The following LRRC56 variants were observed in gnomAD, a reference collection of about 807,000 sequenced individuals.
LRRC56 encodes the protein leucine-rich repeat-containing protein 56.
A neutral mutation model predicts 47.8 loss-of-function variants in LRRC56; 41 were observed. The observed-to-expected ratio is 0.86, with a 90% CI of 0.67 to 1.11. The LOEUF (loss-of-function observed/expected upper bound fraction) is 1.11. LRRC56 is among the 50% of genes most tolerant of loss of function. LRRC56 has a pLI of 0.00. For missense variants in LRRC56, 759 were observed against 704.2 expected (o/e 1.08, Z -0.88); for synonymous variants, 387 against 311.2 (o/e 1.24, Z -2.56).
the LRRC56 span, among the ~76,000 whole-genome samples, chr11:518,747 G>A: frequency 6.6e-6 from 1 of 152,198 alleles, no homozygotes; most frequent in South Asian, 2.1e-4. Context: ...ACGCCCAGGA[G>A]CCGGCCCCGG....
the LRRC56 span, among the ~76,000 whole-genome samples, chr11:514,517 T>C: frequency 1.3e-5 from 2 of 151,856 alleles, no homozygotes; most frequent in Non-Finnish European, 2.9e-5. Context: ...CCTGAGCTCA[T>C]GCAATCTGCC....
At chr11:550,420 T>A in intron 8 of LRRC56, 148 bp downstream of exon 8, 1 of 779,896 alleles carries the variant, frequency 1.3e-6, no homozygotes, top group Non-Finnish European at 2.0e-6. Context: ...CCTCTGTCAC[T>A]GGAAGTCTGA....
At position 540,706 on chromosome 11, in the gene LRRC56, TC is replaced by T. The variant is rs1851748621; in HGVS notation, c.25del (p.Arg9ValfsTer15). On this transcript the variant is annotated frameshift_variant, in exon 4 of 14. Transcript: ENST00000270115. LOFTEE classifies it high-confidence loss of function. Reference protein sequence around the residue: MDLGWDRSRGPRRSTSSV... With the variant: MDLGWDRXRGPRRSTSSV... ...GTGAATGGATCTGGGCTGGGACAGA[TC>T]CCGTGGGCCTCGGCGGAGCACCTCC... is the stretch of plus-strand genomic sequence containing the variant. 3.1e-6 allele frequency: 5 copies of T among 1,612,566 alleles called. No homozygotes were observed. Among genetic ancestry groups the T allele is most frequent in the Non-Finnish European group, 4.2e-6 (5 of 1,179,826 alleles).
upstream of LRRC56, among the ~76,000 whole-genome samples, chr11:535,735 A>G (rs1043106196): frequency 6.6e-6 from 1 of 151,834 alleles, no homozygotes; most frequent in African/African-American, 2.4e-5. Context: ...CGGAGCCAGT[A>G]GGGCCGCGGC....
At position 554,553 on chromosome 11, in the gene LRRC56, G is replaced by T. The variant is rs1852652143; in HGVS notation, c.*277G>T. The T allele has an allele frequency of 9.6e-6, 4 of 418,704 alleles. No individual in the cohort carries two copies. Among genetic ancestry groups the T allele is most frequent in the Non-Finnish European group, 1.3e-5 (3 of 236,946 alleles). The allele number at this position is 418,704 out of a possible 1,614,324, so 25.9% of individuals were successfully genotyped here. The stretch of plus-strand genomic sequence containing the variant: ...GGGCCAGGCTTTCCCGCGGGCACGG[G>T]GGTGGGGGGTGGTCACCCGAGCAGG... On this transcript the variant is annotated 3_prime_UTR_variant, in exon 14 of 14. Transcript: ENST00000270115.
rs1851777156 is a variant in LRRC56 at position 541,262 on chromosome 11, G to T, written c.178-275G>T. Among the ~76,000 whole-genome samples, 1 of 152,262 alleles carries T rather than the reference G, an allele frequency of 6.6e-6. No homozygotes were observed. The highest frequency in any genetic ancestry group is 2.1e-4 in the South Asian group (1 of 4,824). On this transcript the variant is annotated intron_variant, in intron 4 of 13. Transcript: ENST00000270115. This position sits in a 1 kb window ranked among gnomAD's most constrained non-coding sequence, Gnocchi z 4.1. Reference sequence around the variant, plus strand: ...GGCGCGGTCCGGGCTCTGGGTGCCGGGTGTGGTGTGTCTGCCCTGGGAGTC... The same window carrying T: ...GGCGCGGTCCGGGCTCTGGGTGCCGTGTGTGGTGTGTCTGCCCTGGGAGTC...
chr11:522,460 G>A, the LRRC56 span, among the ~76,000 whole-genome samples: 3 of 152,076 alleles, frequency 2.0e-5, no homozygotes, highest in South Asian at 4.1e-4. Flanking sequence ...TTGAGACGGG[G>A]TTTCACTGTG....
At chr11:513,195 ACGCAGGCTGGAG>A in the LRRC56 span, among the ~76,000 whole-genome samples, 6 of 152,194 alleles carry the variant, frequency 3.9e-5, no homozygotes, top group Non-Finnish European at 8.8e-5. Flanking sequence ...TTTGAATATC[ACGCAGGCTGGAG>A]CGCAGTGGCG....
At chr11:534,299 C>G (rs1451160542), upstream of LRRC56, 1 of 1,613,158 alleles carries the variant, frequency 6.2e-7, no homozygotes, top group African/African-American at 1.3e-5. Flanking sequence ...CGGCGCCCAC[C>G]ACCACCAGCT....
the LRRC56 span, chr11:532,107 AC>A: frequency 4.5e-6 from 1 of 222,926 alleles, no homozygotes; most frequent in Non-Finnish European, 9.1e-6. Flanking sequence ...CACAGCCCAG[AC>A]CCCTGACCGG....
intron 7 of LRRC56, 25 bp from the exon 8 acceptor site, chr11:550,047 T>TGGCTCAGAGCCCC: frequency 1.2e-6 from 2 of 1,611,458 alleles, no homozygotes; most frequent in Non-Finnish European, 1.7e-6. Flanking sequence ...GGCCGGGCCC[T>TGGCTCAGAGCCCC]GGCTCAGAGC....
At chr11:535,764 G>C (rs897211707), upstream of LRRC56, among the ~76,000 whole-genome samples, 2 of 152,142 alleles carry the variant, frequency 1.3e-5, no homozygotes, top group Admixed American at 6.5e-5. Context: ...GTTGGGCTTG[G>C]CTGGAGACCG....
At chr11:529,941 G>A in the LRRC56 span, among the ~76,000 whole-genome samples, 4 of 152,172 alleles carry the variant, frequency 2.6e-5, no homozygotes, top group African/African-American at 9.7e-5. Flanking sequence ...AGCGGCATGA[G>A]GGGGCTTCCG....
intron 3 of LRRC56, 133 bp from the exon 4 acceptor site, chr11:540,541 C>T: frequency 1.5e-6 from 1 of 675,708 alleles, no homozygotes; most frequent in South Asian, 2.1e-5. Context: ...CTTCTCTAGG[C>T]TCGGGGTGGG....
chr11:507,615 T>TC, the LRRC56 span, among the ~76,000 whole-genome samples: 1 of 151,780 alleles, frequency 6.6e-6, no homozygotes, highest in African/African-American at 2.4e-5. Flanking sequence ...CAGGCGCGGG[T>TC]CGGGCCTTGC....
the LRRC56 span, among the ~76,000 whole-genome samples, chr11:512,593 G>A: frequency 6.6e-6 from 1 of 152,202 alleles, no homozygotes; most frequent in African/African-American, 2.4e-5. Flanking sequence ...ACCCTTGGTA[G>A]ATGGAACAGC....
chr11:534,384 G>T (rs1851327212), upstream of LRRC56: 2 of 1,386,916 alleles, frequency 1.4e-6, no homozygotes, highest in African/African-American at 1.4e-5. Flanking sequence ...ACCTGCCAAG[G>T]AGGGCCCTGC....
the LRRC56 span, among the ~76,000 whole-genome samples, chr11:516,484 C>G: frequency 6.6e-6 from 1 of 152,090 alleles, no homozygotes; most frequent in Non-Finnish European, 1.5e-5. Flanking sequence ...ATTGTAGGCC[C>G]ACAGCATTGC....
intron 12 of LRRC56, 43 bp from the exon 13 acceptor site, chr11:552,526 G>C (rs376692553): frequency 1.3e-6 from 2 of 1,539,180 alleles, no homozygotes; most frequent in African/African-American, 1.4e-5. Context: ...CCTGTCCCGT[G>C]GGGGGATCAG....
Sources: gnomAD v4.1 joint callset for allele counts (sites outside exome capture counted in the v4.1 genomes callset) on GRCh38, gnomAD v4.1.1 for gene constraint, Gnocchi (gnomAD v3.1) non-coding constraint, MANE v1.5 for transcripts, NCBI Gene and HGNC (gene_info 2026-07-23, HGNC 2026-07-21) for gene names.